Variants in PCDHAC2 observed in about 807,000 individuals in gnomAD.
The protein encoded by PCDHAC2 is protocadherin alpha subfamily C, 2.
PCDHAC2 carries 24 observed loss-of-function variants against 63.3 expected under a neutral mutation model. That is an observed-to-expected ratio of 0.38 (90% CI 0.27 to 0.53). The LOEUF (loss-of-function observed/expected upper bound fraction) is 0.53, where lower values mean the gene tolerates loss of function less well. Ranked by LOEUF, PCDHAC2 falls within the 20% of genes least tolerant of loss-of-function variation. The pLI, the probability that PCDHAC2 is intolerant of heterozygous loss-of-function variation, is 0.81. For synonymous variants in PCDHAC2, 569 were observed against 529.4 expected (o/e 1.07, Z -1.03); for missense variants, 1,181 against 1,275.2 (o/e 0.93, Z 1.12).
intron 3 of PCDHAC2, among the ~76,000 whole-genome samples, chr5:141,005,648 G>A (rs1354125322): frequency 7.4e-6 from 1 of 135,988 alleles, no homozygotes; most frequent in Non-Finnish European, 1.5e-5. Flanking sequence ...CTTGCAGTGA[G>A]TCGAGATCGC....
chr5:140,990,342 C>A (rs2097389388), intron 3 of PCDHAC2, among the ~76,000 whole-genome samples: 1 of 152,124 alleles, frequency 6.6e-6, no homozygotes, highest in Non-Finnish European at 1.5e-5. Flanking sequence ...TAAGTAAAGC[C>A]TGCCCTGTAC....
At chr5:141,006,192 G>A (rs2098259902) in intron 3 of PCDHAC2, among the ~76,000 whole-genome samples, 1 of 150,138 alleles carries the variant, frequency 6.7e-6, no homozygotes, top group African/African-American at 2.5e-5. Context: ...TTTGCTATAT[G>A]TATGTTATGC....
rs1439259875 is a variant in PCDHAC2 at position 141,011,882 on chromosome 5, GATTA to G, written c.*1950_*1953del. On this transcript the variant is annotated 3_prime_UTR_variant, in exon 4 of 4. Coordinates refer to ENST00000289269, the MANE Select transcript of PCDHAC2 (RefSeq NM_018899.6). ...GTTATAATGTACAATTTAGAAGTTTGATTAATTATATTATCTATTTAGGCATTAA... is the reference window on the plus strand; with the variant it reads ...GTTATAATGTACAATTTAGAAGTTTGATTATATTATCTATTTAGGCATTAA... 2.0e-5 allele frequency: 3 copies of G among 153,360 alleles called. No homozygotes were observed. Among genetic ancestry groups the G allele is most frequent in the Non-Finnish European group, 4.4e-5 (3 of 68,010 alleles). 9.5% of individuals were successfully genotyped at this position (153,360 alleles called of 1,614,324 possible).
At chr5:141,008,843 G>A (rs1474787733) in intron 3 of PCDHAC2, among the ~76,000 whole-genome samples, 7 of 152,114 alleles carry the variant, frequency 4.6e-5, no homozygotes, top group Non-Finnish European at 1.0e-4. Context: ...CTTACGCTGT[G>A]TATTCCCATC....
chr5:140,968,136 T>C lies in PCDHAC2; in HGVS notation c.1370T>C (p.Val457Ala), dbSNP rs1554230395. Residue 457 changes from valine to alanine, a missense_variant, in exon 1 of 4, where the codon GTT (valine) becomes GCT (alanine). This residue lies in a region of PCDHAC2 where 968 missense variants were observed against 1,073.5 expected (regional missense o/e 0.90). Transcript: ENST00000289269. ...PQLTSLRTLKVEISDINDNPP... is the reference protein window; with the variant it reads ...PQLTSLRTLKAEISDINDNPP... ...CTCACATCCCTGCGTACACTGAAGG[T>C]TGAGATCTCTGACATCAATGACAAT... 2 of 1,614,102 alleles carry C rather than the reference T, an allele frequency of 1.2e-6. No homozygotes were observed. The highest frequency in any genetic ancestry group is 2.2e-5 in the South Asian group (2 of 91,072).
At chr5:140,975,045 A>G (rs1249490997) in intron 1 of PCDHAC2, among the ~76,000 whole-genome samples, 1 of 152,112 alleles carries the variant, frequency 6.6e-6, no homozygotes, top group Non-Finnish European at 1.5e-5. Context: ...GGCTCTTAGG[A>G]AGAATCTACT....
At chr5:140,980,475 C>G (rs538255137) in intron 2 of PCDHAC2, among the ~76,000 whole-genome samples, 10 of 152,148 alleles carry the variant, frequency 6.6e-5, no homozygotes, top group African/African-American at 2.2e-4. Context: ...ACTAAAAATA[C>G]AAAAATTAGC....
chr5:140,998,681 C>G (rs978884535), intron 3 of PCDHAC2, among the ~76,000 whole-genome samples: 42 of 152,038 alleles, frequency 2.8e-4, no homozygotes, highest in Non-Finnish European at 1.6e-4. Context: ...TCTCCTGCCT[C>G]AGCCTCCCAA....
Position 140,982,561 on chromosome 5 carries a change from C to T in PCDHAC2, c.2711C>T (p.Pro904Leu), listed in dbSNP as rs560422677. 11 of 1,614,060 alleles carry T rather than the reference C, an allele frequency of 6.8e-6. No individual in the cohort carries two copies. Among genetic ancestry groups the T allele is most frequent in the Non-Finnish European group, 9.3e-6 (11 of 1,179,970 alleles). Residue 904 changes from proline to leucine, a missense_variant and splice_region_variant, in exon 3 of 4, where the codon CCA becomes CTA. Pro to Leu is a moderately conservative substitution (Grantham distance 98). Around this residue, in one of 3 missense-constraint regions of PCDHAC2, gnomAD observed 968 missense variants for 1,073.5 expected, o/e 0.90. Coordinates refer to ENST00000289269, the MANE Select transcript of PCDHAC2 (RefSeq NM_018899.6). Reference protein sequence around the residue: ...QQWPTVSSATPEPEAGEVSPP... With the variant: ...QQWPTVSSATLEPEAGEVSPP... ...TGGCCAACAGTATCCAGTGCAACAC[C>T]AGGTAAAGAGCTGGGGTCTCTCCAT...
Position 140,968,431 on chromosome 5 carries a change from G to A in PCDHAC2, c.1665G>A (p.Gly555=). The part of the protein sequence containing the change: ...FFVTVEAQDK[G]SPPLSSTVTA... ...TGACTGTGGAGGCTCAGGACAAGGG[G>A]AGCCCACCACTGAGCAGCACTGTGA... Residue 555 remains glycine, a synonymous_variant, in exon 1 of 4, where the codon GGG becomes GGA. Coordinates refer to ENST00000289269, the MANE Select transcript of PCDHAC2 (RefSeq NM_018899.6). 6.2e-7 allele frequency: 1 copy of A among 1,613,980 alleles called. No homozygotes were observed. Among genetic ancestry groups the A allele is most frequent in the Non-Finnish European group, 8.5e-7 (1 of 1,180,000 alleles).
In PCDHAC2 at chr5:140,973,293, A is replaced by G. The variant is rs150966135; in HGVS notation, c.2565+3962A>G. Among the ~76,000 whole-genome samples, 103 of 152,230 alleles carry G rather than the reference A, an allele frequency of 6.8e-4. No homozygotes were observed. The East Asian group carries it at 0.019, about 27-fold the overall frequency. On this transcript the variant is annotated intron_variant, in intron 1 of 3. Transcript: ENST00000289269. ...TATTTCCCCCAGCACTGATTTTTCT[A>G]TCTGATGACTCTATCCTGGAACAGA...
chr5:141,009,019 C>G (rs1160022658), intron 3 of PCDHAC2, among the ~76,000 whole-genome samples: 2 of 152,232 alleles, frequency 1.3e-5, no homozygotes, highest in African/African-American at 4.8e-5. Flanking sequence ...CCTTTAGGCT[C>G]TGTATTTCCC....
At chr5:140,973,489 G>T (rs1554235344) in intron 1 of PCDHAC2, among the ~76,000 whole-genome samples, 2 of 152,096 alleles carry the variant, frequency 1.3e-5, no homozygotes, top group African/African-American at 4.8e-5. Flanking sequence ...TTGGTCACAG[G>T]ACTCTTCTTC....
chr5:140,999,786 G>A (rs1050666056), intron 3 of PCDHAC2, among the ~76,000 whole-genome samples: 4 of 152,120 alleles, frequency 2.6e-5, no homozygotes, highest in African/African-American at 9.7e-5. Flanking sequence ...CCTAGAAATG[G>A]CAGAGTTATT....
chr5:141,010,869 A>T lies in PCDHAC2; in HGVS notation c.*932A>T, dbSNP rs1434984330. The T allele has an allele frequency of 1.3e-5, 2 of 153,786 alleles. No individual in the cohort carries two copies. Among genetic ancestry groups the T allele is most frequent in the African/African-American group, 4.8e-5 (2 of 41,464 alleles). The allele number at this position is 153,786 out of a possible 1,614,324, so 9.5% of individuals were successfully genotyped here. On this transcript the variant is annotated 3_prime_UTR_variant, in exon 4 of 4. Coordinates refer to ENST00000289269, the MANE Select transcript of PCDHAC2 (RefSeq NM_018899.6). Reference sequence around the variant, plus strand: ...AAAAAAAGAGAAAGTCTATAGCTATAAATCTTTAAAGAGAAATATGAATAC... The same window carrying T: ...AAAAAAAGAGAAAGTCTATAGCTATTAATCTTTAAAGAGAAATATGAATAC...
At chr5:141,008,723 C>G (rs1480694972) in intron 3 of PCDHAC2, among the ~76,000 whole-genome samples, 1 of 152,110 alleles carries the variant, frequency 6.6e-6, no homozygotes, top group Non-Finnish European at 1.5e-5. Flanking sequence ...GAGTGTATGT[C>G]CAACTAGACT....
intron 3 of PCDHAC2, among the ~76,000 whole-genome samples, chr5:141,000,411 A>T (rs2097918603): frequency 1.1e-5 from 1 of 94,870 alleles, no homozygotes; most frequent in African/African-American, 4.4e-5. Flanking sequence ...ATATATATAT[A>T]TATATATATA....
Position 140,967,188 on chromosome 5 carries a change from TCAACGA to T in PCDHAC2, c.427_432del (p.Asp143_Asn144del). ...GCCGTTGAGGTGGAAATATTGGACA[TCAACGA>T]CAACTCACCGCGTTTCCCGCGGCCC... On this transcript the variant is annotated inframe_deletion, in exon 1 of 4. Transcript: ENST00000289269. The T allele has an allele frequency of 6.2e-7, 1 of 1,613,420 alleles. No individual in the cohort carries two copies. Among genetic ancestry groups the T allele is most frequent in the Non-Finnish European group, 8.5e-7 (1 of 1,179,692 alleles).
chr5:140,983,665 A>G (rs1161885514), intron 3 of PCDHAC2, among the ~76,000 whole-genome samples: 3 of 152,248 alleles, frequency 2.0e-5, no homozygotes, highest in Non-Finnish European at 4.4e-5. Flanking sequence ...GGCAGAGGGT[A>G]GGATTCAAAC....
Sources: gnomAD v4.1 joint callset for allele counts (sites outside exome capture counted in the v4.1 genomes callset) on GRCh38, gnomAD v4.1.1 for gene constraint, gnomAD v4.1.1 regional missense constraint, MANE v1.5 for transcripts, NCBI Gene and HGNC (gene_info 2026-07-23, HGNC 2026-07-21) for gene names.